The following SPOCK1 variants were observed in gnomAD, a reference collection of about 807,000 sequenced individuals.
SPOCK1 encodes testican-1.
SPOCK1 carries 23 observed loss-of-function variants against 55.3 expected under a neutral mutation model. The ratio of observed to expected loss-of-function variants is 0.42; its 90% confidence interval spans 0.30 to 0.59. SPOCK1 has a LOEUF of 0.59. Among genes scored for constraint, SPOCK1 ranks in the 20% least tolerant of loss-of-function variants. SPOCK1 has a pLI of 0.22. For synonymous variants in SPOCK1, 226 were observed against 221.0 expected (o/e 1.02, Z -0.20); for missense variants, 499 against 552.5 (o/e 0.90, Z 0.97).
chr5:137,410,399 T>C lies in SPOCK1; in HGVS notation c.186+87974A>G, dbSNP rs76475622. Among the ~76,000 whole-genome samples, 344 of 152,330 alleles carry C rather than the reference T, an allele frequency of 2.3e-3. 2 individuals are homozygous for C. The highest frequency in any genetic ancestry group is 8.0e-3 in the African/African-American group (333 of 41,578). On this transcript the variant is annotated intron_variant, in intron 2 of 10. Coordinates refer to ENST00000394945, the MANE Select transcript of SPOCK1 (RefSeq NM_004598.4). ...ACCAGCCCTTGGAAACTGATGACCA[T>C]GTAGGTTTATCATGACAACAGAGCC...
In SPOCK1 at chr5:137,285,867, G is replaced by A. The variant is rs533406675; in HGVS notation, c.187-18812C>T. Among the ~76,000 whole-genome samples, 6 of 152,270 alleles carry A rather than the reference G, an allele frequency of 3.9e-5. No homozygotes were observed. In the South Asian group the frequency reaches 1.2e-3, roughly 32 times the overall value. On this transcript the variant is annotated intron_variant, in intron 2 of 10. Coordinates refer to ENST00000394945, the MANE Select transcript of SPOCK1 (RefSeq NM_004598.4). ...GCAGGGCTCACCCTCCAAAGTGGAA[G>A]TCAGCACAATTGTTTTTTTTTTCTG... is the stretch of plus-strand genomic sequence containing the variant.
intron 3 of SPOCK1, among the ~76,000 whole-genome samples, chr5:137,177,262 T>C (rs998501294): frequency 1.3e-5 from 2 of 152,204 alleles, no homozygotes; most frequent in Non-Finnish European, 2.9e-5. Context: ...ATTTGCTTTC[T>C]TTGAAATCAG....
intron 7 of SPOCK1, among the ~76,000 whole-genome samples, chr5:136,989,726 C>T (rs1167886574): frequency 6.6e-6 from 1 of 152,108 alleles, no homozygotes; most frequent in Admixed American, 6.5e-5. Context: ...TTCTGCCTGA[C>T]TTGATCTTCC....
At chr5:137,359,998 A>G (rs542312490) in intron 2 of SPOCK1, among the ~76,000 whole-genome samples, 49 of 152,296 alleles carry the variant, frequency 3.2e-4, no homozygotes, top group African/African-American at 1.1e-3. Flanking sequence ...CTGATCACCC[A>G]AGTAATTAAG....
chr5:137,381,922 A>G (rs950981618), intron 2 of SPOCK1, among the ~76,000 whole-genome samples: 1 of 152,178 alleles, frequency 6.6e-6, no homozygotes, highest in Non-Finnish European at 1.5e-5. Flanking sequence ...TTTCTACCAC[A>G]TGACTGGGTT....
intron 2 of SPOCK1, among the ~76,000 whole-genome samples, chr5:137,461,354 T>A (rs1448905865): frequency 6.6e-6 from 1 of 152,210 alleles, no homozygotes; most frequent in Non-Finnish European, 1.5e-5. Context: ...TCCAAGACAC[T>A]GGCAGCTGGG....
chr5:137,376,224 C>T (rs577684200), intron 2 of SPOCK1, among the ~76,000 whole-genome samples: 1 of 152,312 alleles, frequency 6.6e-6, no homozygotes, highest in South Asian at 2.1e-4. Flanking sequence ...TCCCAGAAAG[C>T]AACCCAGAGC....
At chr5:137,277,919 T>C (rs1757099784) in intron 2 of SPOCK1, among the ~76,000 whole-genome samples, 2 of 152,168 alleles carry the variant, frequency 1.3e-5, no homozygotes, top group Admixed American at 1.3e-4. Flanking sequence ...TGCCCTGAAC[T>C]GAGCACTCAC....
chr5:137,056,301 C>T (rs1225153210), intron 6 of SPOCK1, among the ~76,000 whole-genome samples: 1 of 152,046 alleles, frequency 6.6e-6, no homozygotes, highest in Non-Finnish European at 1.5e-5. Context: ...AGTACAGATG[C>T]CAGATCCTGG....
At chr5:137,075,771 A>C (rs1752745778) in intron 5 of SPOCK1, among the ~76,000 whole-genome samples, 1 of 152,076 alleles carries the variant, frequency 6.6e-6, no homozygotes, top group African/African-American at 2.4e-5. Flanking sequence ...CCTGACCTGC[A>C]CGTGCAGGCC....
At chr5:137,439,050 T>C (rs533581058) in intron 2 of SPOCK1, among the ~76,000 whole-genome samples, 24 of 152,260 alleles carry the variant, frequency 1.6e-4, no homozygotes, top group African/African-American at 5.5e-4. Context: ...AATTATACCA[T>C]CTGAGTTTCA....
Position 136,988,588 on chromosome 5 carries a change from G to A in SPOCK1, c.762C>T (p.Asn254=), listed in dbSNP as rs1296379779. The A allele has an allele frequency of 1.9e-6, 3 of 1,613,974 alleles. No individual in the cohort carries two copies. Among genetic ancestry groups the A allele is most frequent in the East Asian group, 2.2e-5 (1 of 44,886 alleles). The part of the protein sequence containing the change: ...ICKDSLGWMF[N]KLDMNYDLLL... ...GGAGGTCATAGTTCATGTCCAACTTGTTGAACATCCAGCCCAGGGAGTCCT... is the reference window on the plus strand; with the variant it reads ...GGAGGTCATAGTTCATGTCCAACTTATTGAACATCCAGCCCAGGGAGTCCT... Residue 254 remains asparagine, a synonymous_variant, in exon 8 of 11, where the codon AAC becomes AAT. Transcript: ENST00000394945.
chr5:137,269,913 T>G (rs557371854), intron 2 of SPOCK1, among the ~76,000 whole-genome samples: 3 of 151,822 alleles, frequency 2.0e-5, no homozygotes, highest in African/African-American at 7.3e-5. Flanking sequence ...GAGCCAGGCT[T>G]TTAAAAAAAA....
intron 3 of SPOCK1, among the ~76,000 whole-genome samples, chr5:137,158,149 G>T (rs1397624206): frequency 6.6e-6 from 1 of 152,192 alleles, no homozygotes; most frequent in Non-Finnish European, 1.5e-5. Flanking sequence ...TAAAAAGACA[G>T]ATGTGCCAGC....
Position 137,335,978 on chromosome 5 carries a change from G to A in SPOCK1, c.187-68923C>T, listed in dbSNP as rs60300716. ...TTTTCTTGGAATACACAGTCTTACC[G>A]TAACAGAGGACTCACAGACCCTAAT... On this transcript the variant is annotated intron_variant, in intron 2 of 10. Transcript: ENST00000394945. 8.4e-3 allele frequency among the ~76,000 whole-genome samples: 1,285 copies of A among 152,186 alleles called. 22 individuals are homozygous for A. The highest frequency in any genetic ancestry group is 0.03 in the African/African-American group (1,227 of 41,510).
At chr5:137,213,127 T>A (rs1755649235) in intron 3 of SPOCK1, among the ~76,000 whole-genome samples, 1 of 152,120 alleles carries the variant, frequency 6.6e-6, no homozygotes, top group Admixed American at 6.5e-5. Context: ...GTTTCATTCT[T>A]GATGAGGGGG....
chr5:137,297,157 T>C (rs1038066291), intron 2 of SPOCK1, among the ~76,000 whole-genome samples: 1 of 152,266 alleles, frequency 6.6e-6, no homozygotes, highest in South Asian at 2.1e-4. Context: ...CATACATGTA[T>C]GTATGCATAT....
intron 2 of SPOCK1, among the ~76,000 whole-genome samples, chr5:137,470,648 G>T (rs781600956): frequency 3.9e-5 from 6 of 152,170 alleles, no homozygotes; most frequent in Non-Finnish European, 5.9e-5. Flanking sequence ...CATGGAGACT[G>T]CCTTTGTACC....
Position 137,068,515 on chromosome 5 carries a change from T to C in SPOCK1, c.475-686A>G, listed in dbSNP as rs141212689. On this transcript the variant is annotated intron_variant, in intron 5 of 10. Transcript: ENST00000394945. ...CTTGTCAACCCTTTATCAGTAGCAA[T>C]GGTAATATTTTAGTCATTTTTCTGT... Among the ~76,000 whole-genome samples, 615 of 152,296 alleles carry C rather than the reference T, an allele frequency of 4.0e-3. 3 individuals carry two copies. Among genetic ancestry groups the C allele is most frequent in the African/African-American group, 0.014 (580 of 41,556 alleles).
Sources: gnomAD v4.1 joint callset for allele counts (sites outside exome capture counted in the v4.1 genomes callset) on GRCh38, gnomAD v4.1.1 for gene constraint, MANE v1.5 for transcripts, NCBI Gene and HGNC (gene_info 2026-07-23, HGNC 2026-07-21) for gene names.